The following RBFOX1 variants were observed in gnomAD, a reference collection of about 807,000 sequenced individuals.
RBFOX1 encodes the protein RNA binding fox-1 homolog 1.
RBFOX1 carries 8 observed loss-of-function variants against 57.7 expected under a neutral mutation model. The observed-to-expected ratio is 0.14, with a 90% confidence interval of 0.08 to 0.25. The LOEUF (loss-of-function observed/expected upper bound fraction) is 0.25, where lower values mean the gene tolerates loss of function less well. Ranked by LOEUF, RBFOX1 falls within the 10% of genes least tolerant of loss-of-function variation. The probability of loss-of-function intolerance (pLI) is 1.00; values close to 1 mark genes in which losing one functional copy is unlikely to be tolerated. For missense variants in RBFOX1, 611 were observed against 548.5 expected, an observed-to-expected ratio of 1.11 and a Z score of -1.14; for synonymous variants, 326 against 222.4, an observed-to-expected ratio of 1.47 and a Z score of -4.15.
intron 1 of RBFOX1, among the ~76,000 whole-genome samples, chr16:5,283,254 T>A (rs1257675512): frequency 6.6e-6 from 1 of 152,162 alleles, no homozygotes. Context: ...GGCAGGGCAC[T>A]CATGGAGAAC....
intron 2 of RBFOX1, among the ~76,000 whole-genome samples, chr16:6,474,945 G>A (rs1400576390): frequency 6.6e-6 from 1 of 152,116 alleles, no homozygotes; most frequent in Non-Finnish European, 1.5e-5. Flanking sequence ...GCATTAGAGT[G>A]GAATACATAA....
intron 14 of RBFOX1, among the ~76,000 whole-genome samples, chr16:7,699,448 T>A (rs1248942871): frequency 6.6e-6 from 1 of 152,132 alleles, no homozygotes; most frequent in Admixed American, 6.6e-5. Flanking sequence ...CCCTTTGGCC[T>A]ACCAAAGTCC....
chr16:6,476,453 C>T (rs2095273243), intron 2 of RBFOX1, among the ~76,000 whole-genome samples: 1 of 152,126 alleles, frequency 6.6e-6, no homozygotes, highest in South Asian at 2.1e-4. Context: ...TTTCCCAGCG[C>T]ATATAAAAGC....
At chr16:5,614,269 G>C (rs1180296273) in intron 3 of RBFOX1, among the ~76,000 whole-genome samples, 1 of 152,082 alleles carries the variant, frequency 6.6e-6, no homozygotes, top group Non-Finnish European at 1.5e-5. Flanking sequence ...TTTGCACATG[G>C]ACTAAACAGA....
At chr16:7,129,978 T>C (rs1443888199) in intron 4 of RBFOX1, among the ~76,000 whole-genome samples, 2 of 151,896 alleles carry the variant, frequency 1.3e-5, no homozygotes, top group African/African-American at 2.4e-5. Flanking sequence ...AAATAGGATA[T>C]ATACTCCTCT....
chr16:5,704,249 T>A (rs1481867137), intron 3 of RBFOX1, among the ~76,000 whole-genome samples: 2 of 152,098 alleles, frequency 1.3e-5, no homozygotes, highest in Non-Finnish European at 2.9e-5. Context: ...ATAATTTGGA[T>A]AAAAGTTATG....
At chr16:6,465,766 A>G (rs2095034597) in intron 2 of RBFOX1, among the ~76,000 whole-genome samples, 1 of 151,906 alleles carries the variant, frequency 6.6e-6, no homozygotes, top group Non-Finnish European at 1.5e-5. Flanking sequence ...GGTCCAAAAT[A>G]TTTACTATAT....
At chr16:7,095,621 C>A (rs907658015) in intron 4 of RBFOX1, among the ~76,000 whole-genome samples, 1 of 152,162 alleles carries the variant, frequency 6.6e-6, no homozygotes, top group African/African-American at 2.4e-5. Flanking sequence ...TGTCATGATA[C>A]ATACCAGGTG....
intron 3 of RBFOX1, among the ~76,000 whole-genome samples, chr16:5,665,148 G>T (rs1172640431): frequency 1.4e-5 from 2 of 141,448 alleles, no homozygotes; most frequent in Admixed American, 7.3e-5. Flanking sequence ...GGGCGGTCTT[G>T]CTATATTGCC....
intron 3 of RBFOX1, among the ~76,000 whole-genome samples, chr16:6,943,869 A>G (rs771214533): frequency 2.6e-5 from 4 of 152,020 alleles, no homozygotes; most frequent in Admixed American, 2.6e-4. Flanking sequence ...TCTGTACCTC[A>G]CTGCTGATTT....
chr16:7,676,644 T>A (rs1440301701), intron 13 of RBFOX1, 130 bp from the exon 14 acceptor site: 6 of 782,008 alleles, frequency 7.7e-6, no homozygotes, highest in Non-Finnish European at 1.1e-5. Flanking sequence ...GCTTTGATAC[T>A]AAGCTTTCAT....
Position 5,681,693 on chromosome 16 carries a change from G to A in RBFOX1, c.318+82732G>A, listed in dbSNP as rs527654697. 8.5e-5 allele frequency among the ~76,000 whole-genome samples: 13 copies of A among 152,084 alleles called. No individual in the cohort carries two copies. In the East Asian group the frequency reaches 1.5e-3, roughly 18 times the overall value. On this transcript the variant is annotated intron_variant, in intron 3 of 19. Transcript: ENST00000641259. Reference sequence around the variant, plus strand: ...CAAGCTTGAGCCACTGTGCCCGGCCGGTAAGATTTTATCTGAGACCTGTAG... The same window carrying A: ...CAAGCTTGAGCCACTGTGCCCGGCCAGTAAGATTTTATCTGAGACCTGTAG...
intron 3 of RBFOX1, among the ~76,000 whole-genome samples, chr16:6,827,178 A>T (rs1012541817): frequency 6.7e-6 from 1 of 149,084 alleles, no homozygotes; most frequent in Non-Finnish European, 1.5e-5. Context: ...ATTTTTAAAA[A>T]TAAATCCATT....
intron 4 of RBFOX1, among the ~76,000 whole-genome samples, chr16:5,973,024 A>T (rs529942509): frequency 6.6e-6 from 1 of 152,332 alleles, no homozygotes; most frequent in South Asian, 2.1e-4. Context: ...GCAGGGTCTT[A>T]AACATTTCAG....
chr16:7,564,041 A>C (rs2091091599), intron 5 of RBFOX1, among the ~76,000 whole-genome samples: 1 of 152,156 alleles, frequency 6.6e-6, no homozygotes, highest in Non-Finnish European at 1.5e-5. Context: ...CTGCCTCAGT[A>C]ACACAGCTGT....
intron 2 of RBFOX1, among the ~76,000 whole-genome samples, chr16:6,587,201 AACC>A (rs1286818063): frequency 6.6e-6 from 1 of 152,112 alleles, no homozygotes; most frequent in African/African-American, 2.4e-5. Context: ...CCGCACTGGT[AACC>A]ACCATTCTGT....
At chr16:6,133,218 C>T (rs1011100886) in intron 1 of RBFOX1, among the ~76,000 whole-genome samples, 2 of 152,114 alleles carry the variant, frequency 1.3e-5, no homozygotes, top group South Asian at 2.1e-4. Context: ...CATCTAGCAT[C>T]TCCTGTGCTG....
chr16:7,331,521 G>A lies in RBFOX1; in HGVS notation c.28-186626G>A, dbSNP rs181854296. Among the ~76,000 whole-genome samples the A allele has an allele frequency of 1.9e-3, 288 of 152,260 alleles. 1 individual carries two copies. Among genetic ancestry groups the A allele is most frequent in the African/African-American group, 6.3e-3 (263 of 41,540 alleles). On this transcript the variant is annotated intron_variant, in intron 4 of 15. Coordinates refer to ENST00000550418, the MANE Select transcript of RBFOX1 (RefSeq NM_018723.4). ...ATTGTTATCTGAGCCTTCAGTCTCA[G>A]GTCAAAGCCTTCAATCTGAAACCAA...
intron 4 of RBFOX1, among the ~76,000 whole-genome samples, chr16:7,200,481 T>C (rs572321017): frequency 1.3e-5 from 2 of 152,336 alleles, no homozygotes; most frequent in East Asian, 1.9e-4. Context: ...GACACTGCAG[T>C]AGGCACTAAG....
Sources: gnomAD v4.1 joint callset for allele counts (sites outside exome capture counted in the v4.1 genomes callset) on GRCh38, gnomAD v4.1.1 for gene constraint, MANE v1.5 for transcripts, NCBI Gene and HGNC (gene_info 2026-07-23, HGNC 2026-07-21) for gene names.